ATAD1: variants seen among roughly 807,000 people sequenced by gnomAD.
The protein encoded by ATAD1 is outer mitochondrial transmembrane helix translocase.
In ATAD1, 18 loss-of-function variants were observed where a neutral mutation model predicts 42.7. The observed-to-expected ratio is 0.42, with a 90% CI of 0.29 to 0.63. ATAD1 has a LOEUF of 0.63. ATAD1 is among the 20% of genes least tolerant of loss of function. The pLI is 0.19. For synonymous variants in ATAD1, 132 were observed against 143.1 expected (o/e 0.92, Z 0.55); for missense variants, 294 against 440.4 (o/e 0.67, Z 2.98).
chr10:87,822,434 G>A (rs999280162), upstream of ATAD1, among the ~76,000 whole-genome samples: 2 of 152,124 alleles, frequency 1.3e-5, no homozygotes, highest in African/African-American at 4.8e-5. Context: ...GAACACAATG[G>A]AGTACTATTC....
chr10:87,823,356 A>G (rs1477510218), intron 1 of ATAD1, among the ~76,000 whole-genome samples: 1 of 152,182 alleles, frequency 6.6e-6, no homozygotes, highest in Non-Finnish European at 1.5e-5. Flanking sequence ...TTTACAACCT[A>G]CAATATTTTA....
intron 5 of ATAD1, among the ~76,000 whole-genome samples, chr10:87,780,062 G>A (rs1044542766): frequency 6.6e-6 from 1 of 152,040 alleles, no homozygotes; most frequent in Non-Finnish European, 1.5e-5. Context: ...CCCAAAACAA[G>A]GTGTCATTTT....
chr10:87,810,002 T>C (rs1392863083), intron 2 of ATAD1, among the ~76,000 whole-genome samples: 3 of 152,144 alleles, frequency 2.0e-5, no homozygotes, highest in Non-Finnish European at 4.4e-5. Flanking sequence ...TAGTATTTTA[T>C]TGGTAACTTT....
At chr10:87,792,854 GAT>G in intron 2 of ATAD1, 99 bp from the exon 3 acceptor site, 1 of 851,204 alleles carries the variant, frequency 1.2e-6, no homozygotes, top group Non-Finnish European at 1.9e-6. Context: ...TGAACAGATA[GAT>G]ATACAAGAAA....
chr10:87,768,837 A>C (rs1261341297), intron 7 of ATAD1, among the ~76,000 whole-genome samples: 1 of 152,168 alleles, frequency 6.6e-6, no homozygotes, highest in African/African-American at 2.4e-5. Context: ...TAATCCTAAC[A>C]CTTTGGGAGG....
At chr10:87,773,722 T>C (rs1855159146) in intron 6 of ATAD1, among the ~76,000 whole-genome samples, 1 of 152,182 alleles carries the variant, frequency 6.6e-6, no homozygotes, top group African/African-American at 2.4e-5. Context: ...TGTGGAGCTA[T>C]AGATGAAGTG....
chr10:87,757,589 T>C (rs1854283326), intron 8 of ATAD1, among the ~76,000 whole-genome samples: 1 of 152,178 alleles, frequency 6.6e-6, no homozygotes, highest in African/African-American at 2.4e-5. Context: ...AAACTATCAA[T>C]TTCATTTTCA....
chr10:87,798,625 GGTGTGTGTGTGT>G (rs71022506), intron 2 of ATAD1, among the ~76,000 whole-genome samples: 62 of 124,938 alleles, frequency 5.0e-4, no homozygotes, highest in African/African-American at 1.6e-3. Flanking sequence ...AGCTATAGGG[GGTGTGTGTGTGT>G]GTGTGTGTGT....
At chr10:87,811,302 C>T (rs879003116) in intron 2 of ATAD1, among the ~76,000 whole-genome samples, 26 of 151,258 alleles carry the variant, frequency 1.7e-4, no homozygotes, top group Admixed American at 9.9e-4. Context: ...CACTGCACTC[C>T]AGCCTGTGCA....
At chr10:87,773,844 C>T (rs1471443379) in intron 6 of ATAD1, among the ~76,000 whole-genome samples, 1 of 152,160 alleles carries the variant, frequency 6.6e-6, no homozygotes, top group African/African-American at 2.4e-5. Flanking sequence ...CATGGGCTAA[C>T]TATCCAATTG....
intron 1 of ATAD1, among the ~76,000 whole-genome samples, chr10:87,815,089 T>C (rs1005502912): frequency 6.6e-6 from 1 of 152,076 alleles, no homozygotes; most frequent in Middle Eastern, 3.2e-3. Flanking sequence ...TTTTTCCTCA[T>C]ACATACTTTT....
intron 4 of ATAD1, among the ~76,000 whole-genome samples, chr10:87,789,155 ATTATAAT>A (rs1855975501): frequency 6.6e-6 from 1 of 152,242 alleles, no homozygotes; most frequent in Non-Finnish European, 1.5e-5. Context: ...GATTATAAGC[ATTATAAT>A]TTAAACATAC....
chr10:87,766,958 A>G (rs534364878), intron 8 of ATAD1, among the ~76,000 whole-genome samples: 1 of 152,196 alleles, frequency 6.6e-6, no homozygotes, highest in Non-Finnish European at 1.5e-5. Flanking sequence ...TTTGATTACC[A>G]CAACTTCTTA....
At position 87,752,408 on chromosome 10, in the gene ATAD1, C is replaced by A. The variant is rs904501465; in HGVS notation, c.*2279G>T. 6.6e-6 allele frequency: 1 copy of A among 152,234 alleles called. No individual in the cohort carries two copies. The highest frequency in any genetic ancestry group is 3.4e-3 in the Middle Eastern group (1 of 294). The allele number at this position is 152,234 out of a possible 1,614,324, so 9.4% of individuals were successfully genotyped here. A position where few individuals can be genotyped will look rare whatever the true frequency, so the allele number is the denominator to read the frequency against. ...GTGTGCAAAAGTGACAATATTAATA[C>A]GACAGCTAACATTTGAGCAGTAATT... On this transcript the variant is annotated 3_prime_UTR_variant, in exon 10 of 10. Transcript: ENST00000680024.
In ATAD1 at chr10:87,784,644, A is replaced by C; in HGVS notation, c.409T>G (p.Cys137Gly). The C allele has an allele frequency of 6.2e-7, 1 of 1,613,010 alleles. No individual in the cohort carries two copies. Among genetic ancestry groups the C allele is most frequent in the Non-Finnish European group, 8.5e-7 (1 of 1,179,818 alleles). Reference sequence around the variant, plus strand: ...GCCTTGGCAATCAACGTTTTACCACAGCCTGGAGGCCCATAGAGAAGAACA... The same window carrying C: ...GCCTTGGCAATCAACGTTTTACCACCGCCTGGAGGCCCATAGAGAAGAACA... The part of the protein sequence containing the change: ...KGVLLYGPPG[C>G]GKTLIAKATA... The change falls in exon 5 of 10, where the codon TGT becomes GGT. Residue 137 changes from cysteine to glycine, a missense_variant. Physicochemically the swap from Cys to Gly is radical, Grantham distance 159. Around this residue, in one of 3 missense-constraint regions of ATAD1, gnomAD observed 121 missense variants for 187.3 expected, o/e 0.65. Coordinates refer to ENST00000680024, the MANE Select transcript of ATAD1 (RefSeq NM_001321967.2).
chr10:87,802,552 T>C (rs971553065), intron 2 of ATAD1, among the ~76,000 whole-genome samples: 10 of 150,830 alleles, frequency 6.6e-5, no homozygotes. Flanking sequence ...ATGCCTGTAA[T>C]CCCAGCACTT....
chr10:87,770,502 T>C (rs757165160), intron 7 of ATAD1, among the ~76,000 whole-genome samples: 3 of 152,218 alleles, frequency 2.0e-5, no homozygotes, highest in Non-Finnish European at 4.4e-5. Flanking sequence ...ACTGGAATCA[T>C]TAATCCTATC....
intron 3 of ATAD1, among the ~76,000 whole-genome samples, 166 bp from the exon 4 acceptor site, chr10:87,790,596 T>C (rs1241580551): frequency 7.9e-5 from 12 of 152,192 alleles, no homozygotes; most frequent in Admixed American, 7.9e-4. Context: ...TGAAATAAAC[T>C]GCTATGAAAC....
chr10:87,767,736 T>C lies in ATAD1; in HGVS notation c.781-13A>G, dbSNP rs1390767715. The C allele has an allele frequency of 2.5e-6, 4 of 1,594,714 alleles. No individual in the cohort carries two copies. In the South Asian group the frequency reaches 4.6e-5, roughly 18 times the overall value. ...TCTGTTTTAAAGCCTAAAAGCAGGA[T>C]AATTTCCAGTTAGCATTTTTATTTT... is the stretch of plus-strand genomic sequence containing the variant. On this transcript the variant is annotated splice_polypyrimidine_tract_variant and intron_variant, in intron 7 of 9. Transcript: ENST00000680024.
Sources: gnomAD v4.1 joint callset for allele counts (sites outside exome capture counted in the v4.1 genomes callset) on GRCh38, gnomAD v4.1.1 for gene constraint, gnomAD v4.1.1 regional missense constraint, MANE v1.5 for transcripts, NCBI Gene and HGNC (gene_info 2026-07-23, HGNC 2026-07-21) for gene names.